Variants in SYNE2 observed in about 807,000 individuals in gnomAD.
SYNE2 encodes the protein nesprin-2.
In SYNE2, 431 loss-of-function variants were observed where a neutral mutation model predicts 856.3. The observed-to-expected ratio is 0.50, with a 90% CI of 0.47 to 0.55. The LOEUF (loss-of-function observed/expected upper bound fraction) is 0.55, where lower values mean the gene tolerates loss of function less well. SYNE2 is among the 20% of genes least tolerant of loss of function. The pLI is 0.00. For missense variants in SYNE2, 8,129 were observed against 8,023.2 expected, an observed-to-expected ratio of 1.01 and a Z score of -0.50; for synonymous variants, 2,923 against 2,872.3, an observed-to-expected ratio of 1.02 and a Z score of -0.56.
chr14:63,957,154 G>A (rs1331976435), intron 8 of SYNE2, among the ~76,000 whole-genome samples: 2 of 147,800 alleles, frequency 1.4e-5, no homozygotes, highest in Non-Finnish European at 3.0e-5. Flanking sequence ...TCGCTGTGTT[G>A]CCCAACAATC....
At chr14:64,044,352 C>T (rs1044202504) in intron 45 of SYNE2, among the ~76,000 whole-genome samples, 4 of 152,220 alleles carry the variant, frequency 2.6e-5, no homozygotes, top group Admixed American at 2.0e-4. Context: ...TATCCAATAC[C>T]TGTACCCCCA....
At chr14:63,861,391 C>G (rs999917531) in intron 1 of SYNE2, among the ~76,000 whole-genome samples, 10 of 151,996 alleles carry the variant, frequency 6.6e-5, no homozygotes, top group African/African-American at 2.2e-4. Flanking sequence ...GATCCGCCCA[C>G]CTCAGCCTCC....
intron 88 of SYNE2, 34 bp from the exon 89 acceptor site, chr14:64,163,368 G>C (rs767258512): frequency 1.2e-6 from 2 of 1,612,350 alleles, no homozygotes; most frequent in East Asian, 4.5e-5. Context: ...TTGAAAGGAG[G>C]AAGAGGTGTT....
intron 94 of SYNE2, chr14:64,173,824 T>C: frequency 1.7e-6 from 1 of 583,724 alleles, no homozygotes; most frequent in Non-Finnish European, 3.0e-6. Flanking sequence ...CCAAATGCCT[T>C]TGGGAGTATG....
intron 1 of SYNE2, among the ~76,000 whole-genome samples, chr14:63,887,897 A>G (rs1454549132): frequency 1.3e-5 from 2 of 151,532 alleles, no homozygotes; most frequent in East Asian, 3.9e-4. Context: ...GGATTACAGG[A>G]ATGTGCCACC....
At position 63,944,517 on chromosome 14, in the gene SYNE2, C is replaced by CTTT. The variant is rs1188374243; in HGVS notation, c.408+2396_408+2398dup. ...TAGGGTTTGCAAACTTAAAGCCTTT[C>CTTT]TTTTTTTTTTTTTTTTTTTTTTTTG... On this transcript the variant is annotated intron_variant, in intron 6 of 115. Coordinates refer to ENST00000555002, the MANE Select transcript of SYNE2 (RefSeq NM_182914.3). Among the ~76,000 whole-genome samples, 522 of 90,124 alleles carry CTTT rather than the reference C, an allele frequency of 5.8e-3. 17 individuals are homozygous for CTTT. The highest frequency in any genetic ancestry group is 0.017 in the African/African-American group (381 of 21,900). 59.1% of individuals were successfully genotyped at this position (90,124 alleles called of 152,430 possible).
intron 1 of SYNE2, among the ~76,000 whole-genome samples, chr14:63,884,017 G>T (rs781075691): frequency 4.6e-5 from 7 of 152,208 alleles, no homozygotes; most frequent in Admixed American, 3.3e-4. Context: ...TGAGAAGCGG[G>T]CCCTTGGTGT....
At chr14:63,801,845 A>C (rs1425446909) in intron 1 of SYNE2, among the ~76,000 whole-genome samples, 1 of 151,770 alleles carries the variant, frequency 6.6e-6, no homozygotes, top group Non-Finnish European at 1.5e-5. Context: ...CTAAATATAA[A>C]AACTTAAAAA....
chr14:63,824,814 A>C (rs1889358627), intron 1 of SYNE2, among the ~76,000 whole-genome samples: 1 of 152,026 alleles, frequency 6.6e-6, no homozygotes, highest in Non-Finnish European at 1.5e-5. Context: ...GCACCCACAA[A>C]AATTAAAAAT....
At chr14:63,943,023 A>G (rs2095948161) in intron 6 of SYNE2, among the ~76,000 whole-genome samples, 1 of 152,214 alleles carries the variant, frequency 6.6e-6, no homozygotes. Context: ...AGAACCTGCC[A>G]TGGTAAATGT....
chr14:64,057,285 G>C (rs1434912160), intron 49 of SYNE2, among the ~76,000 whole-genome samples: 1 of 151,462 alleles, frequency 6.6e-6, no homozygotes. Flanking sequence ...ACTCTTCCCA[G>C]TCTCTGGTAA....
intron 82 of SYNE2, 26 bp downstream of exon 82, chr14:64,142,114 C>CT (rs773882836): frequency 6.2e-7 from 1 of 1,613,516 alleles, no homozygotes; most frequent in South Asian, 1.1e-5. Flanking sequence ...GAGCAGAAGT[C>CT]TTTTCATTGA....
chr14:63,989,585 A>T (rs1317897727), intron 19 of SYNE2, among the ~76,000 whole-genome samples: 1 of 151,846 alleles, frequency 6.6e-6, no homozygotes, highest in East Asian at 1.9e-4. Flanking sequence ...TGATCTACCC[A>T]CCTCAGCCTC....
At chr14:64,202,998 C>G in intron 100 of SYNE2, 35 bp downstream of exon 100, 3 of 1,611,628 alleles carry the variant, frequency 1.9e-6, no homozygotes, top group Non-Finnish European at 2.5e-6. Flanking sequence ...TGCAAGAGTA[C>G]GGTGTCCGCG....
chr14:64,177,627 G>T, intron 96 of SYNE2, 144 bp downstream of exon 96: 1 of 1,089,242 alleles, frequency 9.2e-7, no homozygotes, highest in Non-Finnish European at 1.4e-6. Flanking sequence ...AACATAACAT[G>T]CTCGTCTCTT....
Position 64,101,956 on chromosome 14 carries a change from T to C in SYNE2, c.12406T>C (p.Ser4136Pro), listed in dbSNP as rs1199830556. 2 of 1,613,902 alleles carry C rather than the reference T, an allele frequency of 1.2e-6. No homozygotes were observed. The highest frequency in any genetic ancestry group is 2.2e-5 in the South Asian group (2 of 91,068). The change falls in exon 64 of 116, where the codon TCG becomes CCG. Residue 4136 changes from serine to proline, a missense_variant. By Grantham distance (74) the Ser-to-Pro change is moderately conservative (BLOSUM62 -1). Coordinates refer to ENST00000555002, the MANE Select transcript of SYNE2 (RefSeq NM_182914.3). The stretch of plus-strand genomic sequence containing the variant: ...GAATGGAGATGAGAAGGCAGAGCCA[T>C]CGCCTCAGTCTTGGTCTTCACTTTG... Reference protein sequence around the residue: ...SDNGDEKAEPSPQSWSSLWKH... With the variant: ...SDNGDEKAEPPPQSWSSLWKH...
At chr14:64,094,011 C>A (rs1489717556) in intron 61 of SYNE2, among the ~76,000 whole-genome samples, 1 of 152,170 alleles carries the variant, frequency 6.6e-6, no homozygotes, top group African/African-American at 2.4e-5. Context: ...TATTGCCATA[C>A]TGACATATTG....
intron 80 of SYNE2, 53 bp from the exon 81 acceptor site, chr14:64,141,288 A>G (rs987857172): frequency 6.8e-7 from 1 of 1,467,070 alleles, no homozygotes; most frequent in African/African-American, 1.4e-5. Flanking sequence ...TCCGACTCTT[A>G]CTTTCTGCTA....
intron 94 of SYNE2, 137 bp downstream of exon 94, chr14:64,170,599 A>C (rs201301390): frequency 2.3e-6 from 2 of 864,792 alleles, no homozygotes; most frequent in Non-Finnish European, 1.9e-6. Flanking sequence ...AGCAAGGTGC[A>C]GTCACCACCC....
Sources: allele counts gnomAD v4.1 joint callset (sites outside exome capture counted in the v4.1 genomes callset), GRCh38; gene constraint gnomAD v4.1.1; transcripts MANE v1.5; gene names NCBI Gene and HGNC (gene_info 2026-07-23, HGNC 2026-07-21).